DCC: variants seen among roughly 807,000 people sequenced by gnomAD.
DCC encodes DCC netrin 1 receptor, also known as netrin receptor DCC.
In DCC, 58 loss-of-function variants were observed where a neutral mutation model predicts 172.5. That is an observed-to-expected ratio of 0.34 (90% CI 0.27 to 0.42). The LOEUF is 0.42. Ranked by LOEUF, DCC falls within the 10% of genes least tolerant of loss-of-function variation. DCC has a pLI of 1.00. For synonymous variants in DCC, 709 were observed against 644.5 expected, an observed-to-expected ratio of 1.10 and a Z score of -1.52; for missense variants, 1,740 against 1,791.0, an observed-to-expected ratio of 0.97 and a Z score of 0.51.
chr18:52,904,993 G>A (rs368316066), intron 2 of DCC, among the ~76,000 whole-genome samples: 2 of 152,096 alleles, frequency 1.3e-5, no homozygotes, highest in Non-Finnish European at 2.9e-5. Flanking sequence ...CAAAACTTAG[G>A]ATCACAAATA....
chr18:52,547,339 T>C (rs2032643747), intron 1 of DCC, among the ~76,000 whole-genome samples: 1 of 152,140 alleles, frequency 6.6e-6, no homozygotes, highest in Admixed American at 6.6e-5. Context: ...CTATTGTAAA[T>C]TGGGAGAAGG....
chr18:52,905,714 A>G (rs2039872189), intron 2 of DCC, among the ~76,000 whole-genome samples: 1 of 152,170 alleles, frequency 6.6e-6, no homozygotes, highest in Non-Finnish European at 1.5e-5. Context: ...CTGAACTCCA[A>G]TGTGGGATTT....
chr18:53,143,152 C>T (rs1568329239), intron 7 of DCC, among the ~76,000 whole-genome samples: 1 of 152,126 alleles, frequency 6.6e-6, no homozygotes, highest in South Asian at 2.1e-4. Context: ...AATATTTTTT[C>T]ATCTCCATAC....
At chr18:52,961,950 C>A (rs1390587823) in intron 5 of DCC, among the ~76,000 whole-genome samples, 6 of 151,714 alleles carry the variant, frequency 4.0e-5, no homozygotes, top group East Asian at 1.9e-4. Context: ...CTTATACAAA[C>A]ATTAATTCAA....
rs566058230 is a variant in DCC at position 52,459,965 on chromosome 18, G to A, written c.91+119087G>A. Among the ~76,000 whole-genome samples the A allele has an allele frequency of 8.1e-4, 122 of 151,212 alleles. 1 individual carries two copies. The South Asian group carries it at 0.025, about 31-fold the overall frequency. ...TTTCTTTATCTAGTCTACCATTAAT[G>A]GACATTTAGGTTGATTCCATGTCTT... On this transcript the variant is annotated intron_variant, in intron 1 of 28. Coordinates refer to ENST00000442544, the MANE Select transcript of DCC (RefSeq NM_005215.4).
chr18:52,436,731 A>T (rs112087422), intron 1 of DCC, among the ~76,000 whole-genome samples: 2,782 of 152,210 alleles, frequency 0.018, 66 homozygotes, highest in African/African-American at 0.062. Flanking sequence ...ACATGGCAAA[A>T]CCCCATCTCT....
intron 1 of DCC, among the ~76,000 whole-genome samples, chr18:52,733,964 A>G (rs2036685857): frequency 6.6e-6 from 1 of 152,136 alleles, no homozygotes; most frequent in Non-Finnish European, 1.5e-5. Context: ...ATTTCAATAT[A>G]ATTAATTCTG....
intron 1 of DCC, among the ~76,000 whole-genome samples, chr18:52,365,548 G>A (rs1457546279): frequency 6.6e-6 from 1 of 152,042 alleles, no homozygotes; most frequent in Non-Finnish European, 1.5e-5. Context: ...TCTGAGGTAC[G>A]AGGGGAGAGT....
intron 1 of DCC, among the ~76,000 whole-genome samples, chr18:52,395,595 C>T (rs1231416369): frequency 6.6e-6 from 1 of 152,040 alleles, no homozygotes; most frequent in Non-Finnish European, 1.5e-5. Context: ...AAGGTGCAAA[C>T]TCTCTGTGTG....
chr18:53,167,736 A>G (rs2054944183), intron 8 of DCC, among the ~76,000 whole-genome samples: 1 of 152,220 alleles, frequency 6.6e-6, no homozygotes, highest in Non-Finnish European at 1.5e-5. Flanking sequence ...AAGTCAAAGA[A>G]ACATGCATGT....
At chr18:52,682,390 A>G (rs2035762723) in intron 1 of DCC, among the ~76,000 whole-genome samples, 1 of 152,072 alleles carries the variant, frequency 6.6e-6, no homozygotes, top group African/African-American at 2.4e-5. Flanking sequence ...TACTTAGAGA[A>G]GGATTTGGAG....
At chr18:52,651,124 T>C (rs930256800) in intron 1 of DCC, among the ~76,000 whole-genome samples, 3 of 152,232 alleles carry the variant, frequency 2.0e-5, no homozygotes, top group Admixed American at 6.5e-5. Context: ...TTTACATGTA[T>C]GTATTTATTA....
At chr18:52,907,103 A>T (rs1236761386) in intron 3 of DCC, among the ~76,000 whole-genome samples, 1 of 151,380 alleles carries the variant, frequency 6.6e-6, no homozygotes, top group Non-Finnish European at 1.5e-5. Context: ...CAGCACATAC[A>T]TGCATCTATT....
intron 1 of DCC, among the ~76,000 whole-genome samples, chr18:52,404,502 G>GT (rs1019661645): frequency 1.1e-4 from 16 of 152,002 alleles, no homozygotes; most frequent in African/African-American, 3.9e-4. Context: ...CATAACTGAA[G>GT]TTGGTAAAGA....
intron 12 of DCC, among the ~76,000 whole-genome samples, chr18:53,293,399 T>C (rs781227564): frequency 6.6e-6 from 1 of 152,258 alleles, no homozygotes; most frequent in Non-Finnish European, 1.5e-5. Context: ...AACATGTTTC[T>C]GTACATCTGT....
intron 2 of DCC, among the ~76,000 whole-genome samples, chr18:52,828,699 T>C (rs1340515378): frequency 6.6e-6 from 1 of 152,138 alleles, no homozygotes; most frequent in Admixed American, 6.5e-5. Context: ...GAGTTATAAT[T>C]ATTTAATGCA....
At chr18:52,497,870 T>C (rs2030863611) in intron 1 of DCC, among the ~76,000 whole-genome samples, 1 of 152,172 alleles carries the variant, frequency 6.6e-6, no homozygotes, top group Non-Finnish European at 1.5e-5. Flanking sequence ...AGGTGATCCC[T>C]ATGCACATGA....
Position 53,270,964 on chromosome 18 carries a change from A to G in DCC, c.1912-34614A>G, listed in dbSNP as rs189572528. Among the ~76,000 whole-genome samples the G allele has an allele frequency of 3.6e-3, 550 of 152,230 alleles. 1 individual carries two copies. Among genetic ancestry groups the G allele is most frequent in the Admixed American group, 7.6e-3 (116 of 15,266 alleles). ...CTCACAATACTTTGTGAGGTAAGTA[A>G]TATTACCCATTTTATTGTTAAGGCA... On this transcript the variant is annotated intron_variant, in intron 12 of 28. Coordinates refer to ENST00000442544, the MANE Select transcript of DCC (RefSeq NM_005215.4).
At chr18:52,708,156 T>A (rs1036165595) in intron 1 of DCC, among the ~76,000 whole-genome samples, 3 of 151,944 alleles carry the variant, frequency 2.0e-5, no homozygotes, top group South Asian at 2.1e-4. Flanking sequence ...GGAAAAAAAA[T>A]TTTGGCTGGG....
Sources: gnomAD v4.1 joint callset for allele counts (sites outside exome capture counted in the v4.1 genomes callset) on GRCh38, gnomAD v4.1.1 for gene constraint, MANE v1.5 for transcripts, NCBI Gene and HGNC (gene_info 2026-07-23, HGNC 2026-07-21) for gene names.